Variants in NOVA1 observed in about 807,000 individuals in gnomAD.
NOVA1 encodes the protein RNA-binding protein Nova-1.
NOVA1 carries 7 observed loss-of-function variants against 38.0 expected under a neutral mutation model. That is an observed-to-expected ratio of 0.18 (90% CI 0.10 to 0.35). The LOEUF (loss-of-function observed/expected upper bound fraction) is 0.35. Among genes scored for constraint, NOVA1 ranks in the 10% least tolerant of loss-of-function variants. The probability of loss-of-function intolerance (pLI) is 1.00; values close to 1 mark genes in which losing one functional copy is unlikely to be tolerated. For missense variants in NOVA1, 460 were observed against 616.0 expected (o/e 0.75, Z 2.68); for synonymous variants, 270 against 232.5 (o/e 1.16, Z -1.47).
In NOVA1 at chr14:26,505,881, C is replaced by T. The variant is rs578075387; in HGVS notation, c.281-25738G>A. On this transcript the variant is annotated intron_variant, in intron 2 of 4. Coordinates refer to ENST00000539517, the MANE Select transcript of NOVA1 (RefSeq NM_002515.3). ...TTTTATTCCATTTTGTAATTTACAA[C>T]CCATTTAGAAAAACAGGATTGAAAT... Among the ~76,000 whole-genome samples, 5 of 152,106 alleles carry T rather than the reference C, an allele frequency of 3.3e-5. No individual in the cohort carries two copies. In the South Asian group the frequency reaches 1.0e-3, roughly 32 times the overall value.
In NOVA1 at chr14:26,579,053, C is replaced by CTTTTTTTT. The variant is rs869075814; in HGVS notation, c.280+16349_280+16356dup. Among the ~76,000 whole-genome samples, 35 of 80,080 alleles carry CTTTTTTTT rather than the reference C, an allele frequency of 4.4e-4. 2 individuals carry two copies. Among genetic ancestry groups the CTTTTTTTT allele is most frequent in the South Asian group, 5.5e-4 (1 of 1,802 alleles). 52.5% of individuals were successfully genotyped at this position (80,080 alleles called of 152,430 possible). A position where few individuals can be genotyped will look rare whatever the true frequency, so the allele number is the denominator to read the frequency against. On this transcript the variant is annotated intron_variant, in intron 2 of 4. Transcript: ENST00000539517. ...TTTTTTTTCCATAGCAGGTGGTATT[C>CTTTTTTTT]TTTTTTTTTTTTTTTTTTTTTTTGA...
intron 2 of NOVA1, among the ~76,000 whole-genome samples, chr14:26,562,443 A>C (rs565101001): frequency 2.6e-5 from 4 of 152,302 alleles, no homozygotes; most frequent in African/African-American, 9.6e-5. Context: ...TTTTGCTGCT[A>C]AGTATGGCAG....
chr14:26,491,889 T>C (rs534980337), intron 2 of NOVA1, among the ~76,000 whole-genome samples: 16 of 152,302 alleles, frequency 1.1e-4, no homozygotes, highest in African/African-American at 3.6e-4. Flanking sequence ...CTGTAATTTT[T>C]CAATATTGTT....
At chr14:26,568,300 A>G (rs1892259412) in intron 2 of NOVA1, 3 of 152,180 alleles carry the variant, frequency 2.0e-5, no homozygotes, top group Admixed American at 1.3e-4. Context: ...AGTATTTATG[A>G]GAGAAGAATT....
chr14:26,484,947 G>GA lies in NOVA1; in HGVS notation c.281-4805dup, dbSNP rs1043782753. On this transcript the variant is annotated intron_variant, in intron 2 of 4. Transcript: ENST00000539517. ...TGAAGGTACAGCAATGACCAAACAG[G>GA]AAAAAAAAAACGAACAAACCCTGCC... Among the ~76,000 whole-genome samples the GA allele has an allele frequency of 2.0e-3, 293 of 144,720 alleles. 1 individual carries two copies. Among genetic ancestry groups the GA allele is most frequent in the African/African-American group, 6.7e-3 (266 of 39,544 alleles). 94.9% of individuals were successfully genotyped at this position (144,720 alleles called of 152,430 possible).
intron 4 of NOVA1, among the ~76,000 whole-genome samples, chr14:26,461,716 G>C (rs1321082353): frequency 1.3e-5 from 2 of 149,956 alleles, no homozygotes; most frequent in African/African-American, 4.9e-5. Flanking sequence ...ATCACCTGAG[G>C]TCGAGAGTTC....
At position 26,444,261 on chromosome 14, in the gene NOVA1, T is replaced by C; in HGVS notation, c.*3698A>G. The C allele has an allele frequency of 6.6e-6, 1 of 152,228 alleles. No homozygotes were observed. The highest frequency in any genetic ancestry group is 1.5e-5 in the Non-Finnish European group (1 of 67,996). The allele number at this position is 152,228 out of a possible 1,614,324, so 9.4% of individuals were successfully genotyped here. A position where few individuals can be genotyped will look rare whatever the true frequency, so the allele number is the denominator to read the frequency against. ...TATTTTTTTCCAATAAAAAAATAAA[T>C]CTCATACATTAGAAGTGGTACACAA... On this transcript the variant is annotated 3_prime_UTR_variant, in exon 5 of 5. Coordinates refer to ENST00000539517, the MANE Select transcript of NOVA1 (RefSeq NM_002515.3).
At chr14:26,458,572 A>C (rs1883369445) in intron 4 of NOVA1, among the ~76,000 whole-genome samples, 1 of 152,098 alleles carries the variant, frequency 6.6e-6, no homozygotes, top group African/African-American at 2.4e-5. Flanking sequence ...AGAAACAGAA[A>C]GCCAAATACT....
chr14:26,465,991 G>A (rs1307024714), intron 4 of NOVA1, among the ~76,000 whole-genome samples: 2 of 152,092 alleles, frequency 1.3e-5, no homozygotes, highest in Non-Finnish European at 2.9e-5. Context: ...GGGGGAAGGG[G>A]GAGGCCAGGT....
chr14:26,572,712 T>C (rs1367378668), intron 2 of NOVA1, among the ~76,000 whole-genome samples: 1 of 134,524 alleles, frequency 7.4e-6, no homozygotes, highest in Non-Finnish European at 1.6e-5. Flanking sequence ...CTCAGCCTTA[T>C]ATAAGGAACC....
intron 2 of NOVA1, among the ~76,000 whole-genome samples, chr14:26,492,196 G>A (rs1886397718): frequency 6.6e-6 from 1 of 152,154 alleles, no homozygotes; most frequent in African/African-American, 2.4e-5. Context: ...GTTCACTGTG[G>A]TGTATAGGAA....
chr14:26,496,446 C>A (rs1203049106), intron 2 of NOVA1, among the ~76,000 whole-genome samples: 3 of 152,020 alleles, frequency 2.0e-5, no homozygotes, highest in African/African-American at 7.2e-5. Context: ...TGTAGGTTGC[C>A]TGTTCACTCT....
chr14:26,506,629 G>T (rs1887655840), intron 2 of NOVA1, among the ~76,000 whole-genome samples: 1 of 152,022 alleles, frequency 6.6e-6, no homozygotes, highest in South Asian at 2.1e-4. Context: ...ACCCAGGCTG[G>T]AGTGCAGTGG....
intron 2 of NOVA1, among the ~76,000 whole-genome samples, chr14:26,535,314 A>G (rs1889987949): frequency 6.6e-6 from 1 of 152,212 alleles, no homozygotes; most frequent in South Asian, 2.1e-4. Flanking sequence ...AATACTTTCA[A>G]TGTGACTTCA....
chr14:26,521,949 G>C (rs546531551), intron 2 of NOVA1, among the ~76,000 whole-genome samples: 1 of 151,772 alleles, frequency 6.6e-6, no homozygotes, highest in South Asian at 2.1e-4. Context: ...TCCTTAATTA[G>C]AGTTCAAAGT....
chr14:26,465,840 T>G (rs1011199900), intron 4 of NOVA1, among the ~76,000 whole-genome samples: 6 of 152,142 alleles, frequency 3.9e-5, no homozygotes, highest in Admixed American at 1.3e-4. Flanking sequence ...AAAAAAACCC[T>G]ATCCTCATGC....
intron 4 of NOVA1, among the ~76,000 whole-genome samples, chr14:26,467,228 G>A (rs1393134672): frequency 6.6e-6 from 1 of 152,206 alleles, no homozygotes; most frequent in Non-Finnish European, 1.5e-5. Context: ...TCAAACGTGG[G>A]TAGTATCCTG....
chr14:26,544,813 T>C (rs1305692461), intron 2 of NOVA1, among the ~76,000 whole-genome samples: 1 of 151,868 alleles, frequency 6.6e-6, no homozygotes, highest in Non-Finnish European at 1.5e-5. Context: ...GAAAACATAA[T>C]ATTCAGAATG....
intron 4 of NOVA1, among the ~76,000 whole-genome samples, chr14:26,460,718 C>CT (rs1021607949): frequency 6.6e-6 from 1 of 151,958 alleles, no homozygotes; most frequent in Non-Finnish European, 1.5e-5. Flanking sequence ...AGGAAAAACA[C>CT]TTTTTTTAAT....
Sources: allele counts gnomAD v4.1 joint callset (sites outside exome capture counted in the v4.1 genomes callset), GRCh38; gene constraint gnomAD v4.1.1; transcripts MANE v1.5; gene names NCBI Gene and HGNC (gene_info 2026-07-23, HGNC 2026-07-21).